Variants in ACADM observed in about 807,000 individuals in gnomAD.
ACADM encodes acyl-CoA dehydrogenase medium chain, also known as medium-chain specific acyl-CoA dehydrogenase, mitochondrial.
ACADM carries 49 observed loss-of-function variants against 58.9 expected under a neutral mutation model. The observed-to-expected ratio is 0.83, with a 90% CI of 0.66 to 1.06. The LOEUF (loss-of-function observed/expected upper bound fraction) is 1.06. Among genes scored for constraint, ACADM ranks in the 50% least tolerant of loss-of-function variants. The pLI is 0.00. For synonymous variants in ACADM, 160 were observed against 157.7 expected (o/e 1.01, Z -0.11); for missense variants, 496 against 507.0 (o/e 0.98, Z 0.21).
rs1358639457 is a variant in ACADM, at chr1:75,754,015, C to T, written c.945+3469C>T. Among the ~76,000 whole-genome samples the T allele has an allele frequency of 4.1e-5, 6 of 146,286 alleles. No individual in the cohort carries two copies. In the East Asian group the frequency reaches 6.0e-4, roughly 15 times the overall value. On this transcript the variant is annotated intron_variant, in intron 10 of 11. Transcript: ENST00000370841. ...TTTGCCATGTTACCTAGGCTGGTCT[C>T]GAACTCCTGAGCTTGAGTAATCCGC...
intron 10 of ACADM, 103 bp from the exon 11 acceptor site, chr1:75,761,019 C>A: frequency 8.4e-7 from 1 of 1,183,560 alleles, no homozygotes; most frequent in Non-Finnish European, 1.2e-6. Context: ...CCAGCCTGGG[C>A]AACATAGCAA....
intron 6 of ACADM, among the ~76,000 whole-genome samples, chr1:75,738,068 C>T (rs1647368074): frequency 6.6e-6 from 1 of 151,950 alleles, no homozygotes; most frequent in Non-Finnish European, 1.5e-5. Context: ...AGGTGCGTGC[C>T]ACCACGCCTG....
chr1:75,733,095 G>A (rs56294347), intron 4 of ACADM, 173 bp downstream of exon 4: 4 of 1,612,926 alleles, frequency 2.5e-6, no homozygotes, highest in South Asian at 1.1e-5. Context: ...TCTATACCTA[G>A]ATGCGTTTTT....
intron 1 of ACADM, among the ~76,000 whole-genome samples, chr1:75,726,449 A>G (rs1434866880): frequency 6.6e-6 from 1 of 151,480 alleles, no homozygotes; most frequent in African/African-American, 2.4e-5. Flanking sequence ...AAACGCATTT[A>G]TAATAGAGTC....
intron 7 of ACADM, chr1:75,743,311 C>T: frequency 7.8e-7 from 1 of 1,275,032 alleles, no homozygotes. Flanking sequence ...TGCTTGAGGC[C>T]AACAGCATGT....
At position 75,725,537 on chromosome 1, in the gene ACADM, A is replaced by G. The variant is rs183877214; in HGVS notation, c.30+720A>G. Among the ~76,000 whole-genome samples the G allele has an allele frequency of 4.4e-4, 67 of 152,342 alleles. 1 individual carries two copies. The highest frequency in any genetic ancestry group is 2.9e-3 in the Admixed American group (45 of 15,298). ...AGGCAGAAATTGGGAGATTTCAGCTATTTTTAACTCCTACACCAGAAAAGC... is the reference window on the plus strand; with the variant it reads ...AGGCAGAAATTGGGAGATTTCAGCTGTTTTTAACTCCTACACCAGAAAAGC... On this transcript the variant is annotated intron_variant, in intron 1 of 11. Coordinates refer to ENST00000370841, the MANE Select transcript of ACADM (RefSeq NM_000016.6).
At chr1:75,749,314 GAT>G in intron 8 of ACADM, 103 bp from the exon 9 acceptor site, 1 of 1,175,516 alleles carries the variant, frequency 8.5e-7, no homozygotes, top group Non-Finnish European at 1.2e-6. Context: ...ACAGTTTGTT[GAT>G]CCCTGTTTTA....
At chr1:75,736,324 A>G (rs1264441384) in intron 6 of ACADM, among the ~76,000 whole-genome samples, 1 of 152,214 alleles carries the variant, frequency 6.6e-6, no homozygotes, top group Non-Finnish European at 1.5e-5. Context: ...TTTTGAGCTA[A>G]TGATGAGAAT....
chr1:75,737,464 C>T (rs1169979772), intron 6 of ACADM, among the ~76,000 whole-genome samples: 1 of 151,364 alleles, frequency 6.6e-6, no homozygotes, highest in African/African-American at 2.4e-5. Context: ...AGACAGATGT[C>T]TAATAGCATA....
chr1:75,737,523 C>T (rs993890741), intron 6 of ACADM, among the ~76,000 whole-genome samples: 4 of 151,684 alleles, frequency 2.6e-5, no homozygotes, highest in African/African-American at 9.7e-5. Flanking sequence ...AATTTTGGTA[C>T]TTAAAAGGGG....
intron 6 of ACADM, among the ~76,000 whole-genome samples, chr1:75,737,233 G>T (rs1417156284): frequency 7.4e-6 from 1 of 135,688 alleles, no homozygotes; most frequent in Admixed American, 8.0e-5. Context: ...AGGAGTTCAA[G>T]ACCAGCCTGG....
chr1:75,734,257 A>G (rs57659925), intron 5 of ACADM, among the ~76,000 whole-genome samples: 5,714 of 139,856 alleles, frequency 0.041, 208 homozygotes, highest in African/African-American at 0.088. Flanking sequence ...TCCGCCTCCC[A>G]GGTTCACGCC....
intron 10 of ACADM, among the ~76,000 whole-genome samples, chr1:75,760,070 GAGAACAGCCT>G (rs1022108000): frequency 1.3e-5 from 2 of 151,622 alleles, no homozygotes; most frequent in Non-Finnish European, 2.9e-5. Flanking sequence ...CCAGGAGTTT[GAGAACAGCCT>G]GGAACAGCCT....
rs1648834924 is a variant in ACADM, at chr1:75,761,235, T to C, written c.1059T>C (p.Tyr353=). The C allele has an allele frequency of 1.2e-6, 2 of 1,614,196 alleles. No homozygotes were observed. The highest frequency in any genetic ancestry group is 1.1e-5 in the South Asian group (1 of 91,086). ...ATTCTGGTCGTCGAAATACCTATTA[T>C]GCTTCTATTGCAAAGGCATTTGCTG... ...EVDSGRRNTY[Y]ASIAKAFAGD... Residue 353 remains tyrosine, a synonymous_variant, in exon 11 of 12, where the codon TAT becomes TAC. Coordinates refer to ENST00000370841, the MANE Select transcript of ACADM (RefSeq NM_000016.6).
At chr1:75,743,755 G>T in intron 7 of ACADM, 2 of 1,553,598 alleles carry the variant, frequency 1.3e-6, no homozygotes, top group Non-Finnish European at 1.8e-6. Flanking sequence ...TTCAATATCT[G>T]CATAATTCAT....
At chr1:75,735,473 CT>C (rs1237222484) in intron 6 of ACADM, among the ~76,000 whole-genome samples, 1 of 152,098 alleles carries the variant, frequency 6.6e-6, no homozygotes, top group Non-Finnish European at 1.5e-5. Context: ...GCATTCTACA[CT>C]TTAAGAACTG....
intron 1 of ACADM, among the ~76,000 whole-genome samples, chr1:75,725,263 A>T (rs866499450): frequency 1.3e-5 from 2 of 151,468 alleles, no homozygotes; most frequent in Non-Finnish European, 2.9e-5. Context: ...TAAAAAAAAA[A>T]CCTGCAGAAT....
intron 10 of ACADM, chr1:75,750,935 GATGGGGTTTCACT>G: frequency 3.3e-6 from 1 of 307,556 alleles, no homozygotes; most frequent in East Asian, 8.4e-5. Flanking sequence ...TTTTAGTAGA[GATGGGGTTTCACT>G]ATGTTGGCCA....
chr1:75,752,791 CTT>C (rs1648277965), intron 10 of ACADM, among the ~76,000 whole-genome samples: 1 of 152,102 alleles, frequency 6.6e-6, no homozygotes, highest in Non-Finnish European at 1.5e-5. Flanking sequence ...TCTTCTAACT[CTT>C]TTATGGTCAA....
Sources: gnomAD v4.1 joint callset for allele counts (sites outside exome capture counted in the v4.1 genomes callset) on GRCh38, gnomAD v4.1.1 for gene constraint, MANE v1.5 for transcripts, NCBI Gene and HGNC (gene_info 2026-07-23, HGNC 2026-07-21) for gene names.